The following MPP4 variants were observed in gnomAD, a reference collection of about 807,000 sequenced individuals.
MPP4 encodes MAGUK p55 subfamily member 4.
Under a neutral mutation model 98.3 loss-of-function variants are expected in MPP4, and 91 were observed. The ratio of observed to expected loss-of-function variants is 0.93; its 90% CI spans 0.78 to 1.10. MPP4 has a LOEUF of 1.10. MPP4 is among the 50% of genes least tolerant of loss of function. MPP4 has a pLI of 0.00. For missense variants in MPP4, 744 were observed against 792.9 expected (o/e 0.94, Z 0.74); for synonymous variants, 261 against 271.8 (o/e 0.96, Z 0.39).
intron 4 of MPP4, among the ~76,000 whole-genome samples, chr2:201,687,760 T>C (rs956167894): frequency 3.3e-5 from 5 of 152,350 alleles, no homozygotes; most frequent in African/African-American, 1.2e-4. Context: ...TGAGTTTCTC[T>C]AGGAACGTAC....
Position 201,686,020 on chromosome 2 carries a change from G to C in MPP4, c.391C>G (p.Gln131Glu). 1 of 1,612,454 alleles carries C rather than the reference G, an allele frequency of 6.2e-7. No individual in the cohort carries two copies. The highest frequency in any genetic ancestry group is 2.2e-5 in the East Asian group (1 of 44,876). ...GGGAGAAGGGGTTCAAAATCTTTCT[G>C]AGCTATCGTGTCATGGGCACTGAGC... is the stretch of plus-strand genomic sequence containing the variant. ...ALLSAHDTIA[Q>E]KDFEPLLPPL... Residue 131 changes from glutamine (Q) to glutamate (E), a missense_variant, in exon 6 of 22, where the codon CAG becomes GAG. Gln to Glu is a conservative substitution (Grantham distance 29). Transcript: ENST00000409474.
intron 2 of MPP4, among the ~76,000 whole-genome samples, chr2:201,693,252 G>C (rs1045217737): frequency 2.0e-5 from 3 of 152,176 alleles, no homozygotes; most frequent in South Asian, 4.1e-4. Context: ...AGATGAGAAG[G>C]TGCTAGCTTT....
intron 13 of MPP4, chr2:201,664,398 AAGGGG>A: frequency 1.5e-6 from 2 of 1,306,918 alleles, no homozygotes; most frequent in Non-Finnish European, 2.0e-6. Flanking sequence ...GCTCAGAGGG[AAGGGG>A]AAAGTGGAAT....
intron 18 of MPP4, among the ~76,000 whole-genome samples, chr2:201,653,098 C>T (rs1241124760): frequency 6.6e-6 from 1 of 152,122 alleles, no homozygotes; most frequent in Non-Finnish European, 1.5e-5. Context: ...TCCTCCTGGG[C>T]AGGAATCATA....
Position 201,692,921 on chromosome 2 carries a change from T to G in MPP4, c.188A>C (p.Gln63Pro), listed in dbSNP as rs750631710. The part of the protein sequence containing the change: ...LYDLLHSPWL[Q>P]ALLKIYDCLQ... ...AGAAGCACTCACCTTTAGCAGAGCC[T>G]GAAGCCACGGCGAGTGGAGGAGATC... The change falls in exon 3 of 22, where the codon CAG becomes CCG. Residue 63 changes from glutamine (Q) to proline (P), a missense_variant. Physicochemically the swap from Gln to Pro is moderately conservative, Grantham distance 76. Coordinates refer to ENST00000409474, the MANE Select transcript of MPP4 (RefSeq NM_033066.3). The G allele has an allele frequency of 6.2e-7, 1 of 1,608,734 alleles. No homozygotes were observed. Among genetic ancestry groups the G allele is most frequent in the East Asian group, 2.2e-5 (1 of 44,616 alleles).
At position 201,656,375 on chromosome 2, in the gene MPP4, A is replaced by AGGGG. The variant is rs35516740; in HGVS notation, c.1130-11_1130-8dup. 6.5e-7 allele frequency: 1 copy of AGGGG among 1,548,092 alleles called. No homozygotes were observed. Among genetic ancestry groups the AGGGG allele is most frequent in the Non-Finnish European group, 8.7e-7 (1 of 1,144,960 alleles). On this transcript the variant is annotated splice_polypyrimidine_tract_variant and splice_region_variant and intron_variant, in intron 16 of 21. Transcript: ENST00000409474. The stretch of plus-strand genomic sequence containing the variant: ...ATGCTGCGGCGGAAGCCAGCTAGGG[A>AGGGG]GGGGAAGTGCACAGAACGTAAGAAC...
At chr2:201,657,361 T>A (rs1306595552) in intron 16 of MPP4, among the ~76,000 whole-genome samples, 1 of 152,188 alleles carries the variant, frequency 6.6e-6, no homozygotes, top group African/African-American at 2.4e-5. Context: ...TAGGGCTTTC[T>A]GGTATCTTCA....
chr2:201,645,528 T>G (rs1246306101), intron 21 of MPP4, 124 bp from the exon 22 acceptor site: 12 of 666,144 alleles, frequency 1.8e-5, no homozygotes, highest in Non-Finnish European at 2.7e-5. Flanking sequence ...GTCCGAAAAT[T>G]TTGCACAGAT....
At chr2:201,661,929 G>A (rs1262945735) in intron 14 of MPP4, 1 of 311,724 alleles carries the variant, frequency 3.2e-6, no homozygotes, top group African/African-American at 2.2e-5. Context: ...AATAAGCTAG[G>A]GGAATTAAAA....
rs768596180 is a variant in MPP4 at position 201,658,493 on chromosome 2, A to C, written c.1113T>G (p.Gly371=). 4.8e-5 allele frequency: 78 copies of C among 1,613,162 alleles called. No homozygotes were observed. Among genetic ancestry groups the C allele is most frequent in the Non-Finnish European group, 4.9e-5 (58 of 1,179,636 alleles). ...SEDKEEFVGY[G]QKFFIAGFRR... Reference sequence around the variant, plus strand: ...ATCACCTACCTATAAAGAACTTCTGACCGTAGCCAACAAACTCCTCCTTGT... The same window carrying C: ...ATCACCTACCTATAAAGAACTTCTGCCCGTAGCCAACAAACTCCTCCTTGT... The change falls in exon 16 of 22, where the codon GGT becomes GGG. Residue 371 remains glycine, a synonymous_variant. Coordinates refer to ENST00000409474, the MANE Select transcript of MPP4 (RefSeq NM_033066.3).
intron 18 of MPP4, among the ~76,000 whole-genome samples, chr2:201,653,492 C>A (rs913077192): frequency 1.3e-5 from 2 of 152,150 alleles, no homozygotes; most frequent in Admixed American, 6.5e-5. Context: ...CCTTTTATAC[C>A]CTCGAGGTGT....
At chr2:201,678,534 G>A (rs775185333) in intron 10 of MPP4, among the ~76,000 whole-genome samples, 17 of 152,222 alleles carry the variant, frequency 1.1e-4, no homozygotes, top group Non-Finnish European at 1.9e-4. Flanking sequence ...TGGGGTGCTG[G>A]TGAAATAGCT....
At chr2:201,658,564 G>A (rs1433900887) in intron 15 of MPP4, 46 bp from the exon 16 acceptor site, 2 of 1,542,396 alleles carry the variant, frequency 1.3e-6, no homozygotes, top group East Asian at 4.6e-5. Context: ...AGAGCGAGAA[G>A]TTTATTCAGA....
chr2:201,684,548 G>C (rs1380559980), intron 7 of MPP4, among the ~76,000 whole-genome samples: 1 of 152,188 alleles, frequency 6.6e-6, no homozygotes, highest in Non-Finnish European at 1.5e-5. Flanking sequence ...GAATGGGAAG[G>C]ACTCAGTGAA....
At chr2:201,664,365 A>T (rs1242630541) in intron 13 of MPP4, 1 of 1,366,306 alleles carries the variant, frequency 7.3e-7, no homozygotes, top group Non-Finnish European at 9.7e-7. Context: ...ATAGAAGGTG[A>T]ATAAAATAAA....
At chr2:201,668,920 T>A (rs779665463) in intron 12 of MPP4, among the ~76,000 whole-genome samples, 3 of 152,162 alleles carry the variant, frequency 2.0e-5, no homozygotes, top group African/African-American at 4.8e-5. Context: ...GTCATACACC[T>A]TTTTTGTTTT....
chr2:201,696,062 A>T (rs1689172119), intron 1 of MPP4, among the ~76,000 whole-genome samples: 1 of 152,180 alleles, frequency 6.6e-6, no homozygotes, highest in Non-Finnish European at 1.5e-5. Context: ...GATCATTATT[A>T]TTTTGACTCT....
intron 18 of MPP4, chr2:201,650,544 G>T (rs1687686298): frequency 4.1e-6 from 4 of 985,204 alleles, no homozygotes; most frequent in Non-Finnish European, 4.8e-6. Context: ...CATTTCCCAT[G>T]ATCTCATTTC....
At position 201,658,494 on chromosome 2, in the gene MPP4, C is replaced by G; in HGVS notation, c.1112G>C (p.Gly371Ala). 1 of 1,613,134 alleles carries G rather than the reference C, an allele frequency of 6.2e-7. No individual in the cohort carries two copies. The highest frequency in any genetic ancestry group is 8.5e-7 in the Non-Finnish European group (1 of 1,179,576). ...SEDKEEFVGYGQKFFIAGFRR... is the reference protein window; with the variant it reads ...SEDKEEFVGYAQKFFIAGFRR... ...TCACCTACCTATAAAGAACTTCTGA[C>G]CGTAGCCAACAAACTCCTCCTTGTC... Residue 371 changes from glycine to alanine, a missense_variant, in exon 16 of 22, where the codon GGT becomes GCT. Coordinates refer to ENST00000409474, the MANE Select transcript of MPP4 (RefSeq NM_033066.3).
Sources: gnomAD v4.1 joint callset for allele counts (sites outside exome capture counted in the v4.1 genomes callset) on GRCh38, gnomAD v4.1.1 for gene constraint, MANE v1.5 for transcripts, NCBI Gene and HGNC (gene_info 2026-07-23, HGNC 2026-07-21) for gene names.